Variants in COL5A2 observed in about 807,000 individuals in gnomAD.
COL5A2 encodes collagen alpha-2(V) chain.
In COL5A2, 23 loss-of-function variants were observed where a neutral mutation model predicts 208.2. The ratio of observed to expected loss-of-function variants is 0.11; its 90% CI spans 0.08 to 0.16. The LOEUF is 0.16. Among genes scored for constraint, COL5A2 ranks in the 10% least tolerant of loss-of-function variants. The pLI, the probability that COL5A2 is intolerant of heterozygous loss-of-function variation, is 1.00. For synonymous variants in COL5A2, 625 were observed against 628.5 expected (o/e 0.99, Z 0.08); for missense variants, 1,590 against 1,956.4 (o/e 0.81, Z 3.53).
At chr2:189,412,774 A>G in the COL5A2 span, among the ~76,000 whole-genome samples, 3 of 152,238 alleles carry the variant, frequency 2.0e-5, no homozygotes, top group Non-Finnish European at 4.4e-5. Flanking sequence ...GTTACCTAGA[A>G]AAACAATACA....
Position 189,049,433 on chromosome 2 carries a change from G to T in COL5A2, c.3061C>A (p.Pro1021Thr), listed in dbSNP as rs751955635. Residue 1021 changes from proline to threonine, a missense_variant, in exon 44 of 54, where the codon CCA becomes ACA. Physicochemically the swap from Pro to Thr is conservative, Grantham distance 38. Transcript: ENST00000374866. ...CCTTTATCTCCTGTTGCACCAGTTG[G>T]TCCTACTTTTCCTGGTGTTCCCTGA... Reference protein sequence around the residue: ...GPAGTPGKVGPTGATGDKGPP... With the variant: ...GPAGTPGKVGTTGATGDKGPP... 1.2e-5 allele frequency: 19 copies of T among 1,613,250 alleles called. No individual in the cohort carries two copies. The highest frequency in any genetic ancestry group is 1.5e-5 in the Non-Finnish European group (18 of 1,179,672).
chr2:189,392,275 G>A, the COL5A2 span, among the ~76,000 whole-genome samples: 11 of 152,132 alleles, frequency 7.2e-5, no homozygotes, highest in African/African-American at 2.6e-4. Context: ...GTTGTTAATA[G>A]ATTTTGGACT....
At position 189,048,169 on chromosome 2, in the gene COL5A2, G is replaced by A. The variant is rs550307943; in HGVS notation, c.3201+40C>T. On this transcript the variant is annotated intron_variant, in intron 45 of 53. Coordinates refer to ENST00000374866, the MANE Select transcript of COL5A2 (RefSeq NM_000393.5). ...TGTAAATTAAAAAGATTTCAGATTT[G>A]CATGACTTTAGATTTTATAATAAGT... The A allele has an allele frequency of 6.3e-6, 10 of 1,579,420 alleles. No individual in the cohort carries two copies. The South Asian group carries it at 8.9e-5, about 14-fold the overall frequency.
At chr2:189,057,467 T>A in intron 33 of COL5A2, 40 bp from the exon 34 acceptor site, 2 of 1,446,386 alleles carry the variant, frequency 1.4e-6, no homozygotes, top group Non-Finnish European at 1.9e-6. Context: ...CCAATAATAT[T>A]AAGATTAAAC....
chr2:189,108,087 T>G (rs1239760991), intron 2 of COL5A2, among the ~76,000 whole-genome samples: 2 of 151,768 alleles, frequency 1.3e-5, no homozygotes, highest in Admixed American at 6.6e-5. Flanking sequence ...TAGTTCATAC[T>G]TTCTTTTGCC....
chr2:189,352,175 C>T, the COL5A2 span, among the ~76,000 whole-genome samples: 1 of 152,092 alleles, frequency 6.6e-6, no homozygotes, highest in Admixed American at 6.5e-5. Context: ...TGTATATGTG[C>T]CACATTTTCC....
At chr2:189,166,691 T>C (rs547299647) in intron 1 of COL5A2, among the ~76,000 whole-genome samples, 4 of 152,360 alleles carry the variant, frequency 2.6e-5, no homozygotes, top group African/African-American at 9.6e-5. Context: ...GTCTGTAGTG[T>C]GAGCCACGGA....
the COL5A2 span, among the ~76,000 whole-genome samples, chr2:189,246,727 G>C: frequency 9.9e-5 from 15 of 152,224 alleles, no homozygotes; most frequent in Non-Finnish European, 1.8e-4. Flanking sequence ...GGCATACAGA[G>C]AGCAGGGTTC....
the COL5A2 span, among the ~76,000 whole-genome samples, chr2:189,401,812 T>C: frequency 4.6e-5 from 7 of 152,338 alleles, no homozygotes; most frequent in African/African-American, 1.7e-4. Flanking sequence ...TGCATTTCTC[T>C]AATGATCAGT....
chr2:189,072,221 C>T, intron 17 of COL5A2, 128 bp from the exon 18 acceptor site: 1 of 675,844 alleles, frequency 1.5e-6, no homozygotes, highest in South Asian at 1.7e-5. Flanking sequence ...TTTAAAATTA[C>T]AAAGATAATA....
the COL5A2 span, among the ~76,000 whole-genome samples, chr2:189,291,790 A>C: frequency 6.7e-6 from 1 of 149,930 alleles, no homozygotes; most frequent in East Asian, 1.9e-4. Context: ...GTGGAAAATT[A>C]AGCTCTTTGG....
At chr2:189,288,300 T>A in the COL5A2 span, among the ~76,000 whole-genome samples, 1 of 152,020 alleles carries the variant, frequency 6.6e-6, no homozygotes, top group Non-Finnish European at 1.5e-5. Flanking sequence ...GTATTAGGGG[T>A]TTTTTCTATC....
chr2:189,077,273 TATC>T (rs1216330027), intron 16 of COL5A2, among the ~76,000 whole-genome samples: 1 of 152,080 alleles, frequency 6.6e-6, no homozygotes, highest in East Asian at 1.9e-4. Flanking sequence ...TTTAAAAAGA[TATC>T]ATACACCAAA....
chr2:189,225,750 T>C (rs1279113723), upstream of COL5A2, among the ~76,000 whole-genome samples: 2 of 152,180 alleles, frequency 1.3e-5, no homozygotes, highest in African/African-American at 4.8e-5. Flanking sequence ...TGTTCTAAGT[T>C]GAACACAGAA....
the COL5A2 span, among the ~76,000 whole-genome samples, chr2:189,437,432 G>C: frequency 6.6e-6 from 1 of 152,096 alleles, no homozygotes; most frequent in Admixed American, 6.5e-5. Context: ...GCTGTTGCTG[G>C]TCCACGGACC....
the COL5A2 span, among the ~76,000 whole-genome samples, chr2:189,259,983 A>C: frequency 9.8e-5 from 15 of 152,312 alleles, no homozygotes; most frequent in South Asian, 2.9e-3. Context: ...AAAGAAGGTT[A>C]TCAGAAATGC....
the COL5A2 span, among the ~76,000 whole-genome samples, chr2:189,429,011 C>T: frequency 6.6e-6 from 1 of 152,004 alleles, no homozygotes; most frequent in Non-Finnish European, 1.5e-5. Context: ...TACAATCAGG[C>T]CGGAAGAATA....
At chr2:189,122,401 A>G (rs972626059) in intron 1 of COL5A2, among the ~76,000 whole-genome samples, 1 of 152,148 alleles carries the variant, frequency 6.6e-6, no homozygotes, top group Non-Finnish European at 1.5e-5. Flanking sequence ...CTAAAACAGG[A>G]ATAGAGAGGG....
intron 47 of COL5A2, among the ~76,000 whole-genome samples, 189 bp from the exon 48 acceptor site, chr2:189,043,447 A>C (rs1685601078): frequency 6.6e-6 from 1 of 152,100 alleles, no homozygotes; most frequent in Non-Finnish European, 1.5e-5. Flanking sequence ...TTCCCAAAGA[A>C]TGGTAGGTGA....
Sources: allele counts gnomAD v4.1 joint callset (sites outside exome capture counted in the v4.1 genomes callset), GRCh38; gene constraint gnomAD v4.1.1; transcripts MANE v1.5; gene names NCBI Gene and HGNC (gene_info 2026-07-23, HGNC 2026-07-21).